LUZP1: variants seen among roughly 807,000 people sequenced by gnomAD.
LUZP1 encodes filamin mechanobinding actin cross-linking protein.
Under a neutral mutation model 71.3 loss-of-function variants are expected in LUZP1, and 25 were observed. The ratio of observed to expected loss-of-function variants is 0.35; its 90% confidence interval spans 0.26 to 0.49. LUZP1 has a LOEUF of 0.49. Among genes scored for constraint, LUZP1 ranks in the 20% least tolerant of loss-of-function variants. LUZP1 has a pLI of 0.99. For synonymous variants in LUZP1, 481 were observed against 506.4 expected (o/e 0.95, Z 0.67); for missense variants, 1,142 against 1,300.8 (o/e 0.88, Z 1.88).
At chr1:23,092,142 T>A (rs757954527) in exon 4 of LUZP1, 1 of 1,614,178 alleles carries the variant, frequency 6.2e-7, no homozygotes, top group South Asian at 1.1e-5. Context: ...ATCTTTATCA[T>A]TCTCAAATAG....
intron 2 of LUZP1, among the ~76,000 whole-genome samples, chr1:23,117,913 A>G (rs1644098684): frequency 6.6e-6 from 1 of 151,834 alleles, no homozygotes; most frequent in Non-Finnish European, 1.5e-5. Flanking sequence ...AACATGGTGA[A>G]ACCCTGTCTC....
At chr1:23,106,765 T>C (rs1220652917) in intron 3 of LUZP1, among the ~76,000 whole-genome samples, 1 of 152,198 alleles carries the variant, frequency 6.6e-6, no homozygotes, top group Non-Finnish European at 1.5e-5. Context: ...CCTGGACTAC[T>C]GATTACTGCA....
In LUZP1 at chr1:23,092,901, C is replaced by T. The variant is rs749251122; in HGVS notation, c.1361G>A (p.Arg454Gln). 77 of 1,613,782 alleles carry T rather than the reference C, an allele frequency of 4.8e-5. No individual in the cohort carries two copies. The highest frequency in any genetic ancestry group is 5.9e-5 in the Non-Finnish European group (70 of 1,179,886). Residue 454 changes from arginine (R) to glutamine (Q), a missense_variant, in exon 4 of 5, where the codon CGG becomes CAG. Physicochemically the swap from Arg to Gln is conservative, Grantham distance 43. Transcript: ENST00000302291. ...GCTCTGGGAGGAGCCGGGTACAAAC[C>T]GGTCTTCAGTTTTCTTTGTCTCCTG... is the stretch of plus-strand genomic sequence containing the variant.
chr1:23,124,533 A>G (rs184285962), intron 2 of LUZP1, among the ~76,000 whole-genome samples: 1 of 152,292 alleles, frequency 6.6e-6, no homozygotes, highest in East Asian at 1.9e-4. Flanking sequence ...CCTCCTCCAT[A>G]TGCCTTAATT....
At chr1:23,153,364 A>G (rs1644398151) in intron 2 of LUZP1, among the ~76,000 whole-genome samples, 1 of 152,208 alleles carries the variant, frequency 6.6e-6, no homozygotes, top group Admixed American at 6.5e-5. Flanking sequence ...TTTAAAAAGT[A>G]AAAGAAAAAC....
chr1:23,157,588 CAA>C (rs1465097846), intron 2 of LUZP1, among the ~76,000 whole-genome samples: 3 of 151,900 alleles, frequency 2.0e-5, no homozygotes, highest in Non-Finnish European at 4.4e-5. Context: ...GTCAGGAGTT[CAA>C]GACCAGCCTG....
At chr1:23,098,199 A>G (rs1643903710) in intron 3 of LUZP1, among the ~76,000 whole-genome samples, 1 of 152,214 alleles carries the variant, frequency 6.6e-6, no homozygotes, top group Admixed American at 6.5e-5. Flanking sequence ...ACAGGAGAGC[A>G]GAGGATGTGT....
intron 3 of LUZP1, among the ~76,000 whole-genome samples, chr1:23,106,950 T>C (rs1643987269): frequency 6.6e-6 from 1 of 152,196 alleles, no homozygotes; most frequent in Non-Finnish European, 1.5e-5. Flanking sequence ...ACTCCAAAGG[T>C]GTCACATGGC....
chr1:23,108,068 G>A (rs1384042648), intron 3 of LUZP1, among the ~76,000 whole-genome samples: 1 of 152,160 alleles, frequency 6.6e-6, no homozygotes, highest in Non-Finnish European at 1.5e-5. Flanking sequence ...GAGCAACCAA[G>A]ACCACCAGGT....
At chr1:23,092,541 G>A (rs1022935396) in exon 4 of LUZP1, 1 of 1,614,192 alleles carries the variant, frequency 6.2e-7, no homozygotes, top group Non-Finnish European at 8.5e-7. Flanking sequence ...CCCTTCTGAG[G>A]AGGATCTTCG....
intron 2 of LUZP1, among the ~76,000 whole-genome samples, chr1:23,164,793 G>C (rs756967205): frequency 1.3e-5 from 2 of 152,186 alleles, no homozygotes; most frequent in Non-Finnish European, 2.9e-5. Flanking sequence ...GTCATAGGTG[G>C]AAGGGCAAGG....
At chr1:23,153,548 G>T (rs1178261828) in intron 2 of LUZP1, among the ~76,000 whole-genome samples, 1 of 151,712 alleles carries the variant, frequency 6.6e-6, no homozygotes, top group East Asian at 1.9e-4. Flanking sequence ...ACCTCCTAGG[G>T]CAGTCATTTT....
At chr1:23,168,892 C>A (rs1313469987) in exon 2 of LUZP1, 1 of 152,266 alleles carries the variant, frequency 6.6e-6, no homozygotes, top group Non-Finnish European at 1.5e-5. Context: ...CGTCAGCGTT[C>A]TGGAAGGCGG....
intron 2 of LUZP1, among the ~76,000 whole-genome samples, chr1:23,156,313 G>C (rs902377298): frequency 1.3e-5 from 2 of 152,138 alleles, no homozygotes; most frequent in African/African-American, 4.8e-5. Context: ...CCAGGAGGCA[G>C]AAGTTGCAGT....
At chr1:23,092,463 G>A in exon 4 of LUZP1, 3 of 1,614,208 alleles carry the variant, frequency 1.9e-6, no homozygotes, top group Non-Finnish European at 2.5e-6. Context: ...CGATAGAACA[G>A]GAGCCTTGGA....
Position 23,117,487 on chromosome 1 carries a change from C to A in LUZP1, c.-225-8360G>T, listed in dbSNP as rs1557653821. 2.4e-4 allele frequency among the ~76,000 whole-genome samples: 17 copies of A among 69,522 alleles called. No individual in the cohort carries two copies. The East Asian group carries it at 3.5e-3, about 14-fold the overall frequency. 45.6% of individuals were successfully genotyped at this position (69,522 alleles called of 152,430 possible). ...TCTCTCTCTCTCTCTCCCCCCCCCCCCCCCACAATCAGGAAGCCCTGGGGG... is the reference window on the plus strand; with the variant it reads ...TCTCTCTCTCTCTCTCCCCCCCCCCACCCCACAATCAGGAAGCCCTGGGGG... On this transcript the variant is annotated intron_variant, in intron 2 of 4. Transcript: ENST00000302291.
At chr1:23,145,201 T>A (rs1245475647) in intron 2 of LUZP1, among the ~76,000 whole-genome samples, 2 of 151,960 alleles carry the variant, frequency 1.3e-5, no homozygotes, top group Non-Finnish European at 2.9e-5. Context: ...ATGCCCAGCC[T>A]ATTTCTTTTA....
intron 2 of LUZP1, among the ~76,000 whole-genome samples, chr1:23,142,271 G>A (rs981426070): frequency 6.6e-6 from 1 of 152,140 alleles, no homozygotes; most frequent in African/African-American, 2.4e-5. Flanking sequence ...TGGGATTACA[G>A]GCATAAACCA....
exon 5 of LUZP1, chr1:23,085,015 A>G (rs1278760367): frequency 6.6e-6 from 1 of 152,652 alleles, no homozygotes; most frequent in Non-Finnish European, 1.5e-5. Flanking sequence ...CAGAGCCAAC[A>G]GAGAGCATTC....
Sources: gnomAD v4.1 joint callset for allele counts (sites outside exome capture counted in the v4.1 genomes callset) on GRCh38, gnomAD v4.1.1 for gene constraint, MANE v1.5 for transcripts, NCBI Gene and HGNC (gene_info 2026-07-23, HGNC 2026-07-21) for gene names.